BCL2: variants seen among roughly 807,000 people sequenced by gnomAD.
The protein encoded by BCL2 is apoptosis regulator Bcl-2.
Under a neutral mutation model 14.2 loss-of-function variants are expected in BCL2, and 1 was observed. That is an observed-to-expected ratio of 0.07 (90% CI 0.02 to 0.33). The LOEUF is 0.33. Among genes scored for constraint, BCL2 ranks in the 10% least tolerant of loss-of-function variants. BCL2 has a pLI of 0.99. For missense variants in BCL2, 247 were observed against 305.9 expected, an observed-to-expected ratio of 0.81 and a Z score of 1.44; for synonymous variants, 151 against 137.2, an observed-to-expected ratio of 1.10 and a Z score of -0.70.
chr18:63,312,502 T>C (rs574082286), intron 2 of BCL2, among the ~76,000 whole-genome samples: 14 of 152,356 alleles, frequency 9.2e-5, no homozygotes, highest in African/African-American at 3.1e-4. Context: ...AACAGCTTTG[T>C]TGGCATTTTG....
At chr18:63,226,188 C>A (rs1025436233) in intron 2 of BCL2, among the ~76,000 whole-genome samples, 2 of 152,218 alleles carry the variant, frequency 1.3e-5, no homozygotes, top group Non-Finnish European at 2.9e-5. Flanking sequence ...TTCTCTCCAA[C>A]GTCCAACTGT....
intron 2 of BCL2, among the ~76,000 whole-genome samples, chr18:63,278,374 T>C (rs9946649): frequency 0.042 from 6,341 of 152,292 alleles, 334 homozygotes; most frequent in African/African-American, 0.11. Flanking sequence ...CCCCGGAGCC[T>C]TCTCTTCCAC....
At chr18:63,263,121 G>T (rs1287956284) in intron 2 of BCL2, among the ~76,000 whole-genome samples, 5 of 152,194 alleles carry the variant, frequency 3.3e-5, no homozygotes, top group African/African-American at 4.8e-5. Flanking sequence ...AGCCTAGGGG[G>T]CAGCGAGGGT....
chr18:63,307,071 T>G (rs1321444655), intron 2 of BCL2, among the ~76,000 whole-genome samples: 1 of 152,142 alleles, frequency 6.6e-6, no homozygotes, highest in Non-Finnish European at 1.5e-5. Context: ...TCTTGTTCTG[T>G]CTGCTTTAAT....
Position 63,126,726 on chromosome 18 carries a change from A to C in BCL2, c.*1899T>G. The C allele has an allele frequency of 4.4e-6, 1 of 226,168 alleles. No homozygotes were observed. Among genetic ancestry groups the C allele is most frequent in the East Asian group, 6.4e-5 (1 of 15,732 alleles). 14.0% of individuals were successfully genotyped at this position (226,168 alleles called of 1,614,324 possible). ...GAAGAATCAAGAGATAAAAATCTCA[A>C]ACAGAAAACGATCACCTTTGCTCAC... On this transcript the variant is annotated 3_prime_UTR_variant, in exon 3 of 3. Transcript: ENST00000333681.
chr18:63,265,942 A>T (rs1014170787), intron 2 of BCL2, among the ~76,000 whole-genome samples: 1 of 152,186 alleles, frequency 6.6e-6, no homozygotes, highest in Non-Finnish European at 1.5e-5. Context: ...CTAAGAAGGA[A>T]GGGGCAATCT....
At chr18:63,271,755 A>T (rs74605492) in intron 2 of BCL2, among the ~76,000 whole-genome samples, 1 of 152,218 alleles carries the variant, frequency 6.6e-6, no homozygotes, top group Non-Finnish European at 1.5e-5. Flanking sequence ...TTTCAGTTCA[A>T]CAAAAGGTTT....
chr18:63,189,325 A>G (rs917178570), intron 2 of BCL2, among the ~76,000 whole-genome samples: 2 of 152,186 alleles, frequency 1.3e-5, no homozygotes, highest in African/African-American at 2.4e-5. Flanking sequence ...AAGGGTCACC[A>G]TTCAGCATTT....
chr18:63,157,891 A>G (rs1455274536), intron 2 of BCL2, among the ~76,000 whole-genome samples: 1 of 152,184 alleles, frequency 6.6e-6, no homozygotes, highest in African/African-American at 2.4e-5. Context: ...GGAGTTTCCA[A>G]TCTGGATCTG....
At chr18:63,247,354 AC>A (rs1911180048) in intron 2 of BCL2, among the ~76,000 whole-genome samples, 1 of 151,274 alleles carries the variant, frequency 6.6e-6, no homozygotes, top group Admixed American at 6.6e-5. Flanking sequence ...GCCCGCCACC[AC>A]CCCCAGCTAA....
intron 2 of BCL2, among the ~76,000 whole-genome samples, chr18:63,236,948 TTTC>T (rs1910853585): frequency 2.0e-5 from 3 of 152,198 alleles, no homozygotes; most frequent in Admixed American, 2.0e-4. Flanking sequence ...TTCAGGATTT[TTTC>T]TTTTCTTTTC....
At chr18:63,186,170 C>A (rs1319688243) in intron 2 of BCL2, among the ~76,000 whole-genome samples, 3 of 152,154 alleles carry the variant, frequency 2.0e-5, no homozygotes, top group Non-Finnish European at 4.4e-5. Context: ...GCTAAAATAG[C>A]ACTTGCTTTT....
chr18:63,170,025 G>A (rs1310855664), intron 2 of BCL2, among the ~76,000 whole-genome samples: 2 of 152,112 alleles, frequency 1.3e-5, no homozygotes, highest in Non-Finnish European at 2.9e-5. Context: ...GTATGTGGAA[G>A]GAAGCCTAAC....
At chr18:63,175,491 C>T (rs1031319803) in intron 2 of BCL2, among the ~76,000 whole-genome samples, 1 of 152,222 alleles carries the variant, frequency 6.6e-6, no homozygotes, top group Non-Finnish European at 1.5e-5. Flanking sequence ...CACAGCTGGG[C>T]AACCTAGGTG....
chr18:63,153,751 CAT>C (rs1459327832), intron 2 of BCL2, among the ~76,000 whole-genome samples: 1 of 152,162 alleles, frequency 6.6e-6, no homozygotes, highest in Non-Finnish European at 1.5e-5. Context: ...TGTACTAAGC[CAT>C]GAGGTCCCCA....
At chr18:63,131,629 C>A (rs762955022) in intron 2 of BCL2, among the ~76,000 whole-genome samples, 1 of 152,160 alleles carries the variant, frequency 6.6e-6, no homozygotes, top group Non-Finnish European at 1.5e-5. Context: ...TAGGCTGAAA[C>A]CCCCAATAGC....
intron 2 of BCL2, among the ~76,000 whole-genome samples, chr18:63,231,967 A>G (rs1910700892): frequency 6.6e-6 from 1 of 152,114 alleles, no homozygotes; most frequent in Non-Finnish European, 1.5e-5. Context: ...ACACTATAGT[A>G]TTGGTGTAAA....
intron 2 of BCL2, among the ~76,000 whole-genome samples, chr18:63,312,160 T>C (rs1205939710): frequency 6.6e-6 from 1 of 152,326 alleles, no homozygotes; most frequent in Non-Finnish European, 1.5e-5. Flanking sequence ...CTGCTCCCTT[T>C]TGCTAGTATC....
At chr18:63,195,339 C>T (rs1168187991) in intron 2 of BCL2, among the ~76,000 whole-genome samples, 2 of 152,216 alleles carry the variant, frequency 1.3e-5, no homozygotes, top group Admixed American at 6.5e-5. Flanking sequence ...GCTGGTATCC[C>T]TTCCCATGCC....
Sources: allele counts gnomAD v4.1 joint callset (sites outside exome capture counted in the v4.1 genomes callset), GRCh38; gene constraint gnomAD v4.1.1; transcripts MANE v1.5; gene names NCBI Gene and HGNC (gene_info 2026-07-23, HGNC 2026-07-21).